Variants in ANK2 observed in about 807,000 individuals in gnomAD.
The protein encoded by ANK2 is ankyrin-2.
Under a neutral mutation model 360.5 loss-of-function variants are expected in ANK2, and 83 were observed. That is an observed-to-expected ratio of 0.23 (90% CI 0.19 to 0.28). The LOEUF (loss-of-function observed/expected upper bound fraction) is 0.28. ANK2 is among the 10% of genes least tolerant of loss of function. The pLI is 1.00. For missense variants in ANK2, 4,201 were observed against 4,795.7 expected, an observed-to-expected ratio of 0.88 and a Z score of 3.66; for synonymous variants, 1,740 against 1,759.5, an observed-to-expected ratio of 0.99 and a Z score of 0.28.
chr4:113,006,988 C>T (rs1437111906), intron 2 of ANK2, among the ~76,000 whole-genome samples: 1 of 152,050 alleles, frequency 6.6e-6, no homozygotes, highest in South Asian at 2.1e-4. Context: ...CTCTTCTTAT[C>T]GTCTATTTTG....
intron 22 of ANK2, among the ~76,000 whole-genome samples, chr4:113,295,917 C>T (rs2071134877): frequency 6.6e-6 from 1 of 152,086 alleles, no homozygotes; most frequent in Admixed American, 6.6e-5. Flanking sequence ...TAGACTTATT[C>T]TCATCTATTC....
At chr4:112,890,933 G>T (rs57404511) in intron 1 of ANK2, among the ~76,000 whole-genome samples, 1 of 152,126 alleles carries the variant, frequency 6.6e-6, no homozygotes, top group African/African-American at 2.4e-5. Context: ...ATCCTTCTAA[G>T]AACTCCTTTT....
the ANK2 span, among the ~76,000 whole-genome samples, chr4:112,741,200 A>C: frequency 6.6e-6 from 1 of 152,116 alleles, no homozygotes; most frequent in African/African-American, 2.4e-5. Context: ...ACTGTTTATC[A>C]TGTGCTTCTA....
At position 113,164,617 on chromosome 4, in the gene ANK2, G is replaced by A. The variant is rs147951397; in HGVS notation, c.85-9799G>A. 1.8e-3 allele frequency among the ~76,000 whole-genome samples: 278 copies of A among 152,280 alleles called. 3 individuals are homozygous for A. Among genetic ancestry groups the A allele is most frequent in the Admixed American group, 0.014 (214 of 15,296 alleles). On this transcript the variant is annotated intron_variant, in intron 1 of 45. Coordinates refer to ENST00000357077, the MANE Select transcript of ANK2 (RefSeq NM_001148.6). The stretch of plus-strand genomic sequence containing the variant: ...AGGAGACCAATGGGGATAAAAATGT[G>A]GTGCCTACCTCAAGGGGGCAAGAGT...
intron 1 of ANK2, among the ~76,000 whole-genome samples, chr4:112,885,317 G>T (rs1419505722): frequency 6.6e-6 from 1 of 151,636 alleles, no homozygotes; most frequent in Non-Finnish European, 1.5e-5. Context: ...TGGCCAACAT[G>T]TTGAAACCCT....
rs2062890482 is a variant in ANK2 at position 113,282,763 on chromosome 4, T to C, written c.1970T>C (p.Ile657Thr). The change falls in exon 18 of 46, where the codon ATT becomes ACT. Residue 657 changes from isoleucine to threonine, a missense_variant. This residue lies in a region of ANK2 where 1,268 missense variants were observed against 1,650.8 expected (regional missense o/e 0.77). Transcript: ENST00000357077. ...TLLNYGAETN[I>T]VTKQGVTPLH... ...CTGAACTATGGAGCAGAGACAAACA[T>C]TGTGACAAAGCAAGGAGTAACTCCA... 6.2e-7 allele frequency: 1 copy of C among 1,613,910 alleles called. No individual in the cohort carries two copies. Among genetic ancestry groups the C allele is most frequent in the Non-Finnish European group, 8.5e-7 (1 of 1,179,936 alleles).
intron 4 of ANK2, among the ~76,000 whole-genome samples, chr4:113,207,861 G>A (rs1186274780): frequency 6.6e-6 from 1 of 152,174 alleles, no homozygotes; most frequent in Non-Finnish European, 1.5e-5. Flanking sequence ...CAGGGGGCAT[G>A]CGGAAGAAGA....
At chr4:112,871,382 C>T (rs1343302846) in intron 1 of ANK2, among the ~76,000 whole-genome samples, 1 of 152,152 alleles carries the variant, frequency 6.6e-6, no homozygotes, top group African/African-American at 2.4e-5. Flanking sequence ...GATGGGGTTT[C>T]ACCATGTTGC....
chr4:113,135,892 G>A (rs2096377823), intron 1 of ANK2, among the ~76,000 whole-genome samples: 1 of 152,022 alleles, frequency 6.6e-6, no homozygotes, highest in Admixed American at 6.6e-5. Context: ...CATTTTTAAT[G>A]GTAATTGGAT....
At chr4:112,790,488 T>TC in the ANK2 span, among the ~76,000 whole-genome samples, 7 of 52,978 alleles carry the variant, frequency 1.3e-4, no homozygotes, top group African/African-American at 2.3e-4. Context: ...TCTTTTCTTT[T>TC]TTTTTTTTTT....
intron 3 of ANK2, 136 bp from the exon 4 acceptor site, chr4:113,198,875 A>C: frequency 2.8e-6 from 2 of 718,564 alleles, no homozygotes; most frequent in Non-Finnish European, 4.7e-6. Flanking sequence ...ATCTCTTCGT[A>C]AGTGGGCTAC....
chr4:112,733,151 G>A, the ANK2 span, among the ~76,000 whole-genome samples: 1 of 152,106 alleles, frequency 6.6e-6, no homozygotes, highest in Non-Finnish European at 1.5e-5. Context: ...GGCAGGTGGA[G>A]GTTGCAGTGA....
At chr4:112,962,526 G>A (rs981683687) in intron 2 of ANK2, among the ~76,000 whole-genome samples, 7 of 152,096 alleles carry the variant, frequency 4.6e-5, no homozygotes, top group Admixed American at 1.3e-4. Context: ...TATCTTTTTG[G>A]TATACTGATC....
the ANK2 span, among the ~76,000 whole-genome samples, chr4:112,717,435 CAAAT>C: frequency 6.6e-6 from 1 of 152,048 alleles, no homozygotes; most frequent in East Asian, 1.9e-4. Context: ...TTGAGCAAAT[CAAAT>C]AAACTCTTTC....
rs2099064822 is a variant in ANK2 at position 113,214,559 on chromosome 4, C to T, written c.384+15450C>T. ...GCTTATAATATTCAATACCATGAAT[C>T]ACAGAATTGTTTTGTCATGGTATTT... On this transcript the variant is annotated intron_variant, in intron 4 of 45. Coordinates refer to ENST00000357077, the MANE Select transcript of ANK2 (RefSeq NM_001148.6). The T allele has an allele frequency of 2.2e-5, 12 of 537,250 alleles. No homozygotes were observed. In the East Asian group the frequency reaches 4.0e-4, roughly 18 times the overall value. The allele number at this position is 537,250 out of a possible 1,614,324, so 33.3% of individuals were successfully genotyped here. A position where few individuals can be genotyped will look rare whatever the true frequency, so the allele number is the denominator to read the frequency against.
At chr4:112,711,123 C>T in the ANK2 span, among the ~76,000 whole-genome samples, 3 of 147,868 alleles carry the variant, frequency 2.0e-5, no homozygotes, top group Non-Finnish European at 4.5e-5. Context: ...TTCATTCTTT[C>T]TTTTTTTTTC....
At chr4:113,140,384 C>G (rs2096594158) in intron 1 of ANK2, among the ~76,000 whole-genome samples, 2 of 152,184 alleles carry the variant, frequency 1.3e-5, no homozygotes, top group Non-Finnish European at 2.9e-5. Context: ...GTAATCGAAG[C>G]AGATTTCTAA....
Position 113,356,774 on chromosome 4 carries a change from C to G in ANK2, c.8156C>G (p.Thr2719Ser). The change falls in exon 38 of 46, where the codon ACT becomes AGT. Residue 2719 changes from threonine (T) to serine (S), a missense_variant. Physicochemically the swap from Thr to Ser is moderately conservative, Grantham distance 58. Around this residue, in one of 4 missense-constraint regions of ANK2, gnomAD observed 2,642 missense variants for 2,714.5 expected, o/e 0.97. Transcript: ENST00000357077. The stretch of plus-strand genomic sequence containing the variant: ...CAGCCTGTCGTTTCCAAACAATATA[C>G]TTTCAAGATGAATGAAGATACTCAG... Reference protein sequence around the residue: ...QFQPVVSKQYTFKMNEDTQEE... With the variant: ...QFQPVVSKQYSFKMNEDTQEE... 2.5e-6 allele frequency: 4 copies of G among 1,614,160 alleles called. No individual in the cohort carries two copies. The highest frequency in any genetic ancestry group is 3.4e-6 in the Non-Finnish European group (4 of 1,180,000).
At chr4:112,754,351 A>T in the ANK2 span, among the ~76,000 whole-genome samples, 2 of 151,310 alleles carry the variant, frequency 1.3e-5, no homozygotes, top group Non-Finnish European at 2.9e-5. Context: ...GCCATAAAAT[A>T]AAATATTTGC....
Sources: gnomAD v4.1 joint callset for allele counts (sites outside exome capture counted in the v4.1 genomes callset) on GRCh38, gnomAD v4.1.1 for gene constraint, gnomAD v4.1.1 regional missense constraint, MANE v1.5 for transcripts, NCBI Gene and HGNC (gene_info 2026-07-23, HGNC 2026-07-21) for gene names.